Variants in CCDC178 observed in about 807,000 individuals in gnomAD.
The protein encoded by CCDC178 is coiled-coil domain containing 178, also known as coiled-coil domain-containing protein 178.
CCDC178 carries 126 observed loss-of-function variants against 117.4 expected under a neutral mutation model. That is an observed-to-expected ratio of 1.07 (90% confidence interval 0.93 to 1.24). CCDC178 has a LOEUF of 1.24. CCDC178 is among the 50% of genes most tolerant of loss of function. CCDC178 has a pLI of 0.00. For synonymous variants in CCDC178, 283 were observed against 313.4 expected, an observed-to-expected ratio of 0.90 and a Z score of 1.02; for missense variants, 1,030 against 986.9, an observed-to-expected ratio of 1.04 and a Z score of -0.59.
intron 4 of CCDC178, among the ~76,000 whole-genome samples, chr18:33,394,945 A>ATGTGTATG (rs1389405596): frequency 2.9e-5 from 1 of 34,178 alleles, no homozygotes; most frequent in Non-Finnish European, 5.2e-5. Context: ...ATGTATGTGT[A>ATGTGTATG]TATATATATA....
intron 20 of CCDC178, among the ~76,000 whole-genome samples, chr18:33,126,377 G>A (rs2144234827): frequency 6.7e-6 from 1 of 148,394 alleles, no homozygotes; most frequent in East Asian, 2.0e-4. Flanking sequence ...GTATGTATGT[G>A]TTAATGCTAC....
At chr18:32,939,499 G>T (rs2054192086) in intron 22 of CCDC178, among the ~76,000 whole-genome samples, 1 of 152,090 alleles carries the variant, frequency 6.6e-6, no homozygotes, top group South Asian at 2.1e-4. Flanking sequence ...CAGAAATGAG[G>T]ATATCATAGA....
intron 2 of CCDC178, among the ~76,000 whole-genome samples, chr18:33,418,237 T>C (rs1284621818): frequency 6.6e-6 from 1 of 152,020 alleles, no homozygotes; most frequent in African/African-American, 2.4e-5. Flanking sequence ...AACTAAAAAC[T>C]ACATGATCAT....
rs529824568 is a variant in CCDC178, at chr18:33,287,600, G to A, written c.1176+5559C>T. Reference sequence around the variant, plus strand: ...TCAAGACCAGTCTGGCCAACAGGGCGAAACCCCATCTCTACCAAAAATACA... The same window carrying A: ...TCAAGACCAGTCTGGCCAACAGGGCAAAACCCCATCTCTACCAAAAATACA... On this transcript the variant is annotated intron_variant, in intron 12 of 22. Coordinates refer to ENST00000383096, the MANE Select transcript of CCDC178 (RefSeq NM_001105528.4). Among the ~76,000 whole-genome samples, 25 of 152,044 alleles carry A rather than the reference G, an allele frequency of 1.6e-4. 1 individual carries two copies. In the Middle Eastern group the frequency reaches 0.01, roughly 62 times the overall value.
At chr18:33,266,100 G>A (rs2059810508) in intron 14 of CCDC178, among the ~76,000 whole-genome samples, 2 of 151,998 alleles carry the variant, frequency 1.3e-5, no homozygotes, top group Non-Finnish European at 1.5e-5. Flanking sequence ...CTCCATATCT[G>A]CAAGTTTTGA....
chr18:33,058,432 T>C (rs1204961603), intron 21 of CCDC178, among the ~76,000 whole-genome samples: 1 of 152,142 alleles, frequency 6.6e-6, no homozygotes, highest in African/African-American at 2.4e-5. Context: ...TCAATGGCCA[T>C]AGTCAATAAA....
chr18:33,033,295 C>G (rs144254369), intron 21 of CCDC178, among the ~76,000 whole-genome samples: 2 of 151,996 alleles, frequency 1.3e-5, no homozygotes, highest in Non-Finnish European at 1.5e-5. Flanking sequence ...AAAGAAAAAG[C>G]CTTTGAGAAA....
chr18:33,299,773 GA>G (rs71159813), intron 11 of CCDC178, among the ~76,000 whole-genome samples: 273 of 141,432 alleles, frequency 1.9e-3, no homozygotes, highest in African/African-American at 2.1e-3. Flanking sequence ...CATCTCAACA[GA>G]AAAAAAAAAA....
intron 11 of CCDC178, among the ~76,000 whole-genome samples, chr18:33,317,768 A>T (rs1020543973): frequency 6.6e-6 from 1 of 152,158 alleles, no homozygotes; most frequent in Non-Finnish European, 1.5e-5. Flanking sequence ...CCTACATGAC[A>T]TAGCTGAATT....
At chr18:33,174,165 A>G (rs2058636594) in intron 20 of CCDC178, among the ~76,000 whole-genome samples, 1 of 151,846 alleles carries the variant, frequency 6.6e-6, no homozygotes, top group Admixed American at 6.6e-5. Flanking sequence ...AGAATGGAGC[A>G]ACAGAGAGAG....
At chr18:33,099,598 T>C (rs1476452679) in intron 20 of CCDC178, among the ~76,000 whole-genome samples, 1 of 152,046 alleles carries the variant, frequency 6.6e-6, no homozygotes, top group African/African-American at 2.4e-5. Context: ...GCTGATCCTC[T>C]AACAATGTAG....
Position 33,323,591 on chromosome 18 carries a change from C to G in CCDC178, c.922G>C (p.Ala308Pro), listed in dbSNP as rs756447728. 2 of 1,558,520 alleles carry G rather than the reference C, an allele frequency of 1.3e-6. No homozygotes were observed. The highest frequency in any genetic ancestry group is 1.2e-5 in the South Asian group (1 of 80,962). ...CTGGCATTTTCACAGGCTTCTAAAG[C>G]TTCTTCAAGTTCTTCATTAACTTTT... Reference protein sequence around the residue: ...HRKVNEELEEALEACENARLK... With the variant: ...HRKVNEELEEPLEACENARLK... The change falls in exon 11 of 23, where the codon GCT becomes CCT. Residue 308 changes from alanine to proline, a missense_variant. Physicochemically the swap from Ala to Pro is conservative, Grantham distance 27. Transcript: ENST00000383096.
intron 21 of CCDC178, among the ~76,000 whole-genome samples, chr18:32,978,203 A>ATTTTTTTTTTTTTTTTTTTTTTTTTT: frequency 1.1e-5 from 1 of 90,022 alleles, no homozygotes. Context: ...CTCAAAAAAG[A>ATTTTTTTTTTTTTTTTTTTTTTTTTT]TTTTTTTTTT....
At chr18:33,318,690 G>C (rs554072319) in intron 11 of CCDC178, among the ~76,000 whole-genome samples, 1 of 151,496 alleles carries the variant, frequency 6.6e-6, no homozygotes, top group Non-Finnish European at 1.5e-5. Flanking sequence ...AATCCCACTG[G>C]AATAAATAAA....
At chr18:33,116,940 C>T (rs945375717) in intron 20 of CCDC178, among the ~76,000 whole-genome samples, 1 of 152,054 alleles carries the variant, frequency 6.6e-6, no homozygotes, top group Admixed American at 6.6e-5. Flanking sequence ...GGAGGATTCC[C>T]CCAGTGGGCA....
At chr18:33,251,951 T>A (rs1030004531) in intron 14 of CCDC178, among the ~76,000 whole-genome samples, 4 of 151,742 alleles carry the variant, frequency 2.6e-5, no homozygotes, top group Non-Finnish European at 5.9e-5. Flanking sequence ...AATATGTGCT[T>A]ATTTTGATCC....
In CCDC178 at chr18:32,953,432, A is replaced by G. The variant is rs1216588837; in HGVS notation, c.2524-15341T>C. Among the ~76,000 whole-genome samples the G allele has an allele frequency of 2.0e-5, 3 of 152,170 alleles. No individual in the cohort carries two copies. In the East Asian group the frequency reaches 5.8e-4, roughly 29 times the overall value. The stretch of plus-strand genomic sequence containing the variant: ...ATTTCCAAACTTTCCACATTTTTCT[A>G]TCTTCTTCTGAGCCTTCCAAACTGT... On this transcript the variant is annotated intron_variant, in intron 22 of 22. Transcript: ENST00000383096.
chr18:33,266,722 C>G (rs2059820600), intron 14 of CCDC178, among the ~76,000 whole-genome samples, 194 bp downstream of exon 14: 1 of 151,564 alleles, frequency 6.6e-6, no homozygotes, highest in South Asian at 2.1e-4. Context: ...AGCACACCAA[C>G]ATGGCACATG....
At chr18:33,277,722 C>A (rs189075811) in intron 12 of CCDC178, among the ~76,000 whole-genome samples, 2 of 152,260 alleles carry the variant, frequency 1.3e-5, no homozygotes, top group South Asian at 2.1e-4. Context: ...TGGCTGAGCA[C>A]TTCTCATGCT....
Sources: gnomAD v4.1 joint callset for allele counts (sites outside exome capture counted in the v4.1 genomes callset) on GRCh38, gnomAD v4.1.1 for gene constraint, MANE v1.5 for transcripts, NCBI Gene and HGNC (gene_info 2026-07-23, HGNC 2026-07-21) for gene names.